Variants in SLC6A6 observed in about 807,000 individuals in gnomAD.
SLC6A6 encodes solute carrier family 6 member 6, also known as sodium- and chloride-dependent taurine transporter.
A neutral mutation model predicts 68.8 loss-of-function variants in SLC6A6; 16 were observed. The ratio of observed to expected loss-of-function variants is 0.23; its 90% CI spans 0.16 to 0.35. SLC6A6 has a LOEUF of 0.35. SLC6A6 is among the 10% of genes least tolerant of loss of function. The pLI, the probability that SLC6A6 is intolerant of heterozygous loss-of-function variation, is 1.00. For missense variants in SLC6A6, 474 were observed against 802.8 expected (o/e 0.59, Z 4.95); for synonymous variants, 312 against 315.4 (o/e 0.99, Z 0.12).
chr3:14,447,917 C>CG (rs1445689386), intron 5 of SLC6A6, 101 bp downstream of exon 5: 4 of 1,528,026 alleles, frequency 2.6e-6, no homozygotes, highest in African/African-American at 2.7e-5. Flanking sequence ...CCACTGTCTT[C>CG]GGGGGAGTGG....
At chr3:14,443,524 A>C in intron 2 of SLC6A6, 100 bp from the exon 3 acceptor site, 2 of 786,628 alleles carry the variant, frequency 2.5e-6, no homozygotes, top group Non-Finnish European at 2.1e-6. Flanking sequence ...AGGCCCGGGC[A>C]GGTGGGAGCC....
intron 1 of SLC6A6, among the ~76,000 whole-genome samples, chr3:14,409,892 A>G (rs975466637): frequency 1.3e-5 from 2 of 152,188 alleles, no homozygotes; most frequent in Non-Finnish European, 2.9e-5. Flanking sequence ...AAAGCCATCA[A>G]AAGAGCCATT....
chr3:14,417,938 T>A (rs1262538888), intron 2 of SLC6A6, among the ~76,000 whole-genome samples: 2 of 152,168 alleles, frequency 1.3e-5, no homozygotes, highest in Admixed American at 1.3e-4. Context: ...TTAAGGGATG[T>A]CTCCTTCGCT....
chr3:14,454,653 C>T (rs1445057885), intron 5 of SLC6A6, among the ~76,000 whole-genome samples: 2 of 152,148 alleles, frequency 1.3e-5, no homozygotes, highest in Admixed American at 6.5e-5. Flanking sequence ...AGTATGTTCA[C>T]GTGGCCCGTT....
At chr3:14,436,600 A>C (rs1699860854) in intron 2 of SLC6A6, among the ~76,000 whole-genome samples, 6 of 102,842 alleles carry the variant, frequency 5.8e-5, no homozygotes, top group Admixed American at 1.3e-4. Context: ...ATTGTTAAAC[A>C]CTAGGGCCAA....
At chr3:14,425,667 G>A (rs1699578522) in intron 2 of SLC6A6, among the ~76,000 whole-genome samples, 1 of 142,372 alleles carries the variant, frequency 7.0e-6, no homozygotes, top group Non-Finnish European at 1.5e-5. Context: ...CACTTTGCAG[G>A]AGTGAAAGGA....
intron 12 of SLC6A6, 85 bp downstream of exon 12, chr3:14,478,653 CAG>C: frequency 1.1e-6 from 1 of 872,654 alleles, no homozygotes; most frequent in East Asian, 2.4e-5. Flanking sequence ...AGAATACTAA[CAG>C]AAATTCAATT....
chr3:14,429,759 G>T (rs1233848273), intron 2 of SLC6A6, among the ~76,000 whole-genome samples: 2 of 152,220 alleles, frequency 1.3e-5, no homozygotes, highest in Non-Finnish European at 2.9e-5. Flanking sequence ...CAACTCTGAT[G>T]TTCCTCATGT....
intron 2 of SLC6A6, among the ~76,000 whole-genome samples, chr3:14,436,686 T>C (rs1317137457): frequency 2.6e-5 from 4 of 151,954 alleles, no homozygotes; most frequent in Non-Finnish European, 5.9e-5. Context: ...GCCCAGAATC[T>C]ATGGAGACAG....
rs144013629 is a variant in SLC6A6 at position 14,444,987 on chromosome 3, C to T, written c.230-730C>T. On this transcript the variant is annotated intron_variant, in intron 3 of 14. Coordinates refer to ENST00000622186, the MANE Select transcript of SLC6A6 (RefSeq NM_003043.6). ...CTTCCTAGCTGGTGCTTTTCTGCCTCCTGCCCTGGGCAGGCCTGGGGAGGG... is the reference window on the plus strand; with the variant it reads ...CTTCCTAGCTGGTGCTTTTCTGCCTTCTGCCCTGGGCAGGCCTGGGGAGGG... 22 of 400,514 alleles carry T rather than the reference C, an allele frequency of 5.5e-5. No individual in the cohort carries two copies. In the East Asian group the frequency reaches 1.6e-3, roughly 29 times the overall value. The allele number at this position is 400,514 out of a possible 1,614,324, so 24.8% of individuals were successfully genotyped here.
At position 14,450,029 on chromosome 3, in the gene SLC6A6, C is replaced by T. The variant is rs1700220023; in HGVS notation, c.599+2213C>T. On this transcript the variant is annotated intron_variant, in intron 5 of 14. Transcript: ENST00000622186. The surrounding 1 kb of genome is among the most constrained non-coding windows in gnomAD (Gnocchi z 4.1). ...CCTCCCAAAGTGCTGGGATTACAGG[C>T]GTGAGCCACTGTGCCTGGCCAGAAT... is the stretch of plus-strand genomic sequence containing the variant. 6.6e-6 allele frequency among the ~76,000 whole-genome samples: 1 copy of T among 152,184 alleles called. No homozygotes were observed. Among genetic ancestry groups the T allele is most frequent in the Non-Finnish European group, 1.5e-5 (1 of 68,032 alleles).
rs1257227979 is a variant in SLC6A6 at position 14,466,603 on chromosome 3, A to C, written c.820A>C (p.Ile274Leu). ...GLTLPGAGAG[I>L]KFYLYPDITR... ...GACGCTGCCGGGCGCGGGCGCAGGC[A>C]TCAAGTTCTATCTGTATCCTGACAT... is the stretch of plus-strand genomic sequence containing the variant. Residue 274 changes from isoleucine to leucine, a missense_variant, in exon 7 of 15, where the codon ATC (isoleucine) becomes CTC (leucine). By Grantham distance (5) the Ile-to-Leu change is conservative. This residue lies in a region of SLC6A6 where 280 missense variants were observed against 533.1 expected (regional missense o/e 0.53). Coordinates refer to ENST00000622186, the MANE Select transcript of SLC6A6 (RefSeq NM_003043.6). 6.2e-7 allele frequency: 1 copy of C among 1,612,146 alleles called. No individual in the cohort carries two copies. Among genetic ancestry groups the C allele is most frequent in the Admixed American group, 1.7e-5 (1 of 59,910 alleles).
chr3:14,456,963 G>A (rs192543584), intron 5 of SLC6A6, among the ~76,000 whole-genome samples: 25 of 152,338 alleles, frequency 1.6e-4, no homozygotes, highest in Admixed American at 2.0e-4. Flanking sequence ...GGCTGTCCTC[G>A]ATCACTGTTG....
intron 6 of SLC6A6, among the ~76,000 whole-genome samples, chr3:14,465,288 A>G (rs9823069): frequency 0.033 from 5,095 of 152,326 alleles, 288 homozygotes; most frequent in African/African-American, 0.12. Flanking sequence ...GGAGATGGCC[A>G]CATCGTTTCT....
chr3:14,467,310 C>T (rs139881126), intron 7 of SLC6A6, among the ~76,000 whole-genome samples: 232 of 152,284 alleles, frequency 1.5e-3, no homozygotes, highest in African/African-American at 5.2e-3. Flanking sequence ...CAGCTGGGAA[C>T]GAGCTGCTTA....
chr3:14,451,724 A>T (rs1413922734), intron 5 of SLC6A6, among the ~76,000 whole-genome samples: 1 of 152,222 alleles, frequency 6.6e-6, no homozygotes, highest in East Asian at 1.9e-4. Flanking sequence ...AGCCTTCAGC[A>T]GGTCTGGGTT....
At chr3:14,403,821 C>T (rs933078834) in intron 1 of SLC6A6, among the ~76,000 whole-genome samples, 4 of 152,248 alleles carry the variant, frequency 2.6e-5, no homozygotes, top group African/African-American at 9.6e-5. Context: ...CTCCTACAGC[C>T]TCAAAGCTTC....
At chr3:14,432,074 G>C (rs1386545812) in intron 2 of SLC6A6, among the ~76,000 whole-genome samples, 2 of 152,198 alleles carry the variant, frequency 1.3e-5, no homozygotes, top group Admixed American at 6.5e-5. Flanking sequence ...GGCTGGCCCG[G>C]CTCCTGCACG....
chr3:14,446,545 CT>C (rs1700125499), intron 4 of SLC6A6, among the ~76,000 whole-genome samples: 1 of 152,188 alleles, frequency 6.6e-6, no homozygotes, highest in Non-Finnish European at 1.5e-5. Context: ...CCTGCACCCC[CT>C]GAATCTAAAC....
Sources: gnomAD v4.1 joint callset for allele counts (sites outside exome capture counted in the v4.1 genomes callset) on GRCh38, gnomAD v4.1.1 for gene constraint, gnomAD v4.1.1 regional missense constraint, Gnocchi (gnomAD v3.1) non-coding constraint, MANE v1.5 for transcripts, NCBI Gene and HGNC (gene_info 2026-07-23, HGNC 2026-07-21) for gene names.